The following PTPRG variants were observed in gnomAD, a reference collection of about 807,000 sequenced individuals.
PTPRG encodes protein tyrosine phosphatase receptor type G, also known as receptor-type tyrosine-protein phosphatase gamma.
Under a neutral mutation model 165.3 loss-of-function variants are expected in PTPRG, and 102 were observed. The ratio of observed to expected loss-of-function variants is 0.62; its 90% CI spans 0.53 to 0.73. The LOEUF (loss-of-function observed/expected upper bound fraction) is 0.73, where lower values mean the gene tolerates loss of function less well. PTPRG is among the 30% of genes least tolerant of loss of function. PTPRG has a pLI of 0.00. For missense variants in PTPRG, 1,866 were observed against 1,861.4 expected, an observed-to-expected ratio of 1.00 and a Z score of -0.05; for synonymous variants, 675 against 669.5, an observed-to-expected ratio of 1.01 and a Z score of -0.13.
At chr3:61,925,885 A>T in intron 2 of PTPRG, 1 of 498,246 alleles carries the variant, frequency 2.0e-6, no homozygotes, top group Non-Finnish European at 4.0e-6. Flanking sequence ...TTACTGTTCC[A>T]ACAAAATCCC....
At chr3:61,996,902 A>T (rs2041052657) in intron 3 of PTPRG, among the ~76,000 whole-genome samples, 1 of 152,140 alleles carries the variant, frequency 6.6e-6, no homozygotes, top group South Asian at 2.1e-4. Flanking sequence ...CCACAGCCTC[A>T]GTCCCCAAGT....
At position 62,203,189 on chromosome 3, in the gene PTPRG, C is replaced by T. The variant is rs771434998; in HGVS notation, c.1394C>T (p.Ala465Val). Residue 465 changes from alanine to valine, a missense_variant, in exon 12 of 30, where the codon GCC (alanine) becomes GTC (valine). This residue lies in a region of PTPRG where 1,452 missense variants were observed against 1,463.0 expected (regional missense o/e 0.99). Coordinates refer to ENST00000474889, the MANE Select transcript of PTPRG (RefSeq NM_002841.4). This position sits in a 1 kb window ranked among gnomAD's most constrained non-coding sequence, Gnocchi z 6.4. ...VKTGVPTASP[A>V]SSADMAPISS... ...CCTTTCCAGCCCACAGCGTCTCCTG[C>T]CTCTTCAGCCGACATGGCCCCCATC... 4.4e-6 allele frequency: 7 copies of T among 1,594,566 alleles called. No homozygotes were observed. Among genetic ancestry groups the T allele is most frequent in the Non-Finnish European group, 6.0e-6 (7 of 1,167,442 alleles).
intron 2 of PTPRG, among the ~76,000 whole-genome samples, chr3:61,833,881 T>C (rs2036383976): frequency 6.6e-6 from 1 of 152,144 alleles, no homozygotes; most frequent in East Asian, 1.9e-4. Context: ...AAGTGTTTTC[T>C]ATGGAAGCTC....
intron 28 of PTPRG, among the ~76,000 whole-genome samples, chr3:62,292,146 T>C (rs1702920156): frequency 6.6e-6 from 1 of 152,114 alleles, no homozygotes; most frequent in African/African-American, 2.4e-5. Flanking sequence ...CATCTTTAGC[T>C]CTCCTAAGTC....
chr3:62,016,476 A>G (rs2041547105), intron 4 of PTPRG, among the ~76,000 whole-genome samples: 1 of 152,116 alleles, frequency 6.6e-6, no homozygotes, highest in African/African-American at 2.4e-5. Flanking sequence ...TGTATTAACT[A>G]TTAATATGAA....
At chr3:61,724,207 C>T (rs892596808) in intron 1 of PTPRG, among the ~76,000 whole-genome samples, 8 of 94,934 alleles carry the variant, frequency 8.4e-5, no homozygotes, top group Non-Finnish European at 1.6e-4. Flanking sequence ...CAGAGTGAGA[C>T]TCCCATCTCC....
rs75380598 is a variant in PTPRG at position 62,099,134 on chromosome 3, G to C, written c.615+20876G>C. Among the ~76,000 whole-genome samples, 225 of 152,306 alleles carry C rather than the reference G, an allele frequency of 1.5e-3. 3 individuals are homozygous for C. Among genetic ancestry groups the C allele is most frequent in the South Asian group, 0.011 (55 of 4,824 alleles). ...GGAATTTTCACCACTGGCACTAAAA[G>C]TGGGGCTCTTGTCCAGGATTTGATG... On this transcript the variant is annotated intron_variant, in intron 5 of 29. Coordinates refer to ENST00000474889, the MANE Select transcript of PTPRG (RefSeq NM_002841.4).
At chr3:62,165,536 G>A (rs1276226254) in intron 7 of PTPRG, among the ~76,000 whole-genome samples, 5 of 152,162 alleles carry the variant, frequency 3.3e-5, no homozygotes, top group African/African-American at 9.7e-5. Flanking sequence ...AGAAGGAATA[G>A]CAGAAAGAAT....
At chr3:61,822,741 G>A (rs553918879) in intron 2 of PTPRG, among the ~76,000 whole-genome samples, 1 of 152,174 alleles carries the variant, frequency 6.6e-6, no homozygotes, top group African/African-American at 2.4e-5. Context: ...GGTATTTTTG[G>A]TGCAAAAATA....
chr3:62,269,024 T>A lies in PTPRG; in HGVS notation c.2875-11T>A, dbSNP rs997870662. 1.4e-5 allele frequency: 21 copies of A among 1,537,338 alleles called. No individual in the cohort carries two copies. Among genetic ancestry groups the A allele is most frequent in the Non-Finnish European group, 1.5e-5 (17 of 1,132,160 alleles). ...TTGCAGTTATACTTTACAACTTTTTTCTTTCTGCAGCGAAAATGTGATCAG... is the reference window on the plus strand; with the variant it reads ...TTGCAGTTATACTTTACAACTTTTTACTTTCTGCAGCGAAAATGTGATCAG... On this transcript the variant is annotated splice_polypyrimidine_tract_variant and intron_variant, in intron 19 of 29. Transcript: ENST00000474889.
At chr3:62,277,759 C>A in intron 26 of PTPRG, 80 bp downstream of exon 26, 1 of 1,534,782 alleles carries the variant, frequency 6.5e-7, no homozygotes, top group Non-Finnish European at 8.9e-7. Context: ...TGCCATAGGG[C>A]TATAGTATCC....
In PTPRG at chr3:62,237,308, T is replaced by C. The variant is rs764675663; in HGVS notation, c.2375+5997T>C. Among the ~76,000 whole-genome samples, 32 of 152,112 alleles carry C rather than the reference T, an allele frequency of 2.1e-4. No individual in the cohort carries two copies. The highest frequency in any genetic ancestry group is 4.1e-4 in the Non-Finnish European group (28 of 68,026). ...TCTAGAGGTTTTTTTGTTTGTTTGTTTTGGTTATTTTGCTACATTTTGTTT... is the reference window on the plus strand; with the variant it reads ...TCTAGAGGTTTTTTTGTTTGTTTGTCTTGGTTATTTTGCTACATTTTGTTT... On this transcript the variant is annotated intron_variant, in intron 14 of 29. Coordinates refer to ENST00000474889, the MANE Select transcript of PTPRG (RefSeq NM_002841.4). The surrounding 1 kb of genome is among the most constrained non-coding windows in gnomAD (Gnocchi z 4.5).
intron 4 of PTPRG, among the ~76,000 whole-genome samples, chr3:62,067,155 G>T (rs168371): frequency 0.83 from 125,683 of 151,896 alleles, 52,658 homozygotes; most frequent in Middle Eastern, 0.9. Context: ...AAAAACAAAG[G>T]GCTTTACCAT....
chr3:62,223,563 G>C (rs2106900033), intron 13 of PTPRG, among the ~76,000 whole-genome samples: 1 of 152,306 alleles, frequency 6.6e-6, no homozygotes, highest in Admixed American at 6.5e-5. Flanking sequence ...CACTGCTTTA[G>C]ACAAAGACTT....
chr3:61,564,875 G>A (rs1699868292), intron 1 of PTPRG, among the ~76,000 whole-genome samples: 1 of 152,216 alleles, frequency 6.6e-6, no homozygotes, highest in South Asian at 2.1e-4. Context: ...TCGGCCTGGC[G>A]ATGCTGCTCC....
At chr3:61,580,694 T>C (rs941860421) in intron 1 of PTPRG, among the ~76,000 whole-genome samples, 3 of 152,204 alleles carry the variant, frequency 2.0e-5, no homozygotes, top group Non-Finnish European at 2.9e-5. Flanking sequence ...GTGTTACATA[T>C]GTTAATAAAA....
intron 9 of PTPRG, 120 bp downstream of exon 9, chr3:62,191,773 G>A: frequency 9.6e-7 from 1 of 1,046,882 alleles, no homozygotes; most frequent in Non-Finnish European, 1.4e-6. Flanking sequence ...ACTGTCTGGT[G>A]AACATGGGCA....
chr3:61,993,222 T>C (rs2040939652), intron 3 of PTPRG, among the ~76,000 whole-genome samples: 2 of 151,996 alleles, frequency 1.3e-5, no homozygotes, highest in Non-Finnish European at 2.9e-5. Context: ...TTGGTTTATT[T>C]ATTTATTTTT....
intron 2 of PTPRG, among the ~76,000 whole-genome samples, chr3:61,932,381 T>C (rs2039382913): frequency 6.6e-6 from 1 of 152,238 alleles, no homozygotes; most frequent in Non-Finnish European, 1.5e-5. Context: ...AGTGTGATTA[T>C]TTCTAGCAGC....
Sources: gnomAD v4.1 joint callset for allele counts (sites outside exome capture counted in the v4.1 genomes callset) on GRCh38, gnomAD v4.1.1 for gene constraint, gnomAD v4.1.1 regional missense constraint, Gnocchi (gnomAD v3.1) non-coding constraint, MANE v1.5 for transcripts, NCBI Gene and HGNC (gene_info 2026-07-23, HGNC 2026-07-21) for gene names.